The following MED7 variants were observed in gnomAD, a reference collection of about 807,000 sequenced individuals.
The protein encoded by MED7 is mediator of RNA polymerase II transcription subunit 7.
A neutral mutation model predicts 16.6 loss-of-function variants in MED7; 7 were observed. The ratio of observed to expected loss-of-function variants is 0.42; its 90% CI spans 0.24 to 0.79. The LOEUF is 0.79. MED7 is among the 30% of genes least tolerant of loss of function. MED7 has a pLI of 0.27. For missense variants in MED7, 240 were observed against 286.3 expected (o/e 0.84, Z 1.17); for synonymous variants, 88 against 90.5 (o/e 0.97, Z 0.16).
intron 1 of MED7, among the ~76,000 whole-genome samples, chr5:157,139,793 G>A (rs1326852055): frequency 6.7e-6 from 1 of 149,876 alleles, no homozygotes; most frequent in Non-Finnish European, 1.5e-5. Context: ...AAACTACACA[G>A]GCTGTCTCCC....
intron 1 of MED7, 116 bp from the exon 2 acceptor site, chr5:157,139,564 T>C (rs912091108): frequency 2.4e-5 from 13 of 553,044 alleles, no homozygotes; most frequent in Middle Eastern, 4.7e-4. Context: ...GAAGACAAGA[T>C]GATCTCCTTG....
In MED7 at chr5:157,138,539, C is replaced by A. The variant is rs919780803; in HGVS notation, c.*191G>T. On this transcript the variant is annotated 3_prime_UTR_variant, in exon 2 of 2. Coordinates refer to ENST00000286317, the MANE Select transcript of MED7 (RefSeq NM_004270.5). ...CTTTTTAAAGTGATTCTTCTTAGTGCAGGGACACTCATTTGTCTATGCTTG... is the reference window on the plus strand; with the variant it reads ...CTTTTTAAAGTGATTCTTCTTAGTGAAGGGACACTCATTTGTCTATGCTTG... The A allele has an allele frequency of 1.7e-5, 9 of 536,250 alleles. No homozygotes were observed. Among genetic ancestry groups the A allele is most frequent in the African/African-American group, 1.5e-4 (8 of 51,878 alleles). 33.2% of individuals were successfully genotyped at this position (536,250 alleles called of 1,614,324 possible).
Position 157,139,966 on chromosome 5 carries a change from C to A in MED7, c.-17-518G>T, listed in dbSNP as rs559614117. Among the ~76,000 whole-genome samples the A allele has an allele frequency of 2.1e-4, 32 of 152,208 alleles. 1 individual carries two copies. Among genetic ancestry groups the A allele is most frequent in the African/African-American group, 7.0e-4 (29 of 41,550 alleles). ...ATGAAATGATGATTCAGTTCCATAC[C>A]CTTTTTGTCACAGTATACTATGCAA... is the stretch of plus-strand genomic sequence containing the variant. On this transcript the variant is annotated intron_variant, in intron 1 of 1. Coordinates refer to ENST00000286317, the MANE Select transcript of MED7 (RefSeq NM_004270.5).
rs765868930 is a variant in MED7, at chr5:157,139,193, T to C, written c.239A>G (p.Lys80Arg). The C allele has an allele frequency of 1.9e-5, 30 of 1,612,272 alleles. No homozygotes were observed. The highest frequency in any genetic ancestry group is 3.3e-4 in the Middle Eastern group (2 of 6,066). The change falls in exon 2 of 2, where the codon AAA becomes AGA. Residue 80 changes from lysine (K) to arginine (R), a missense_variant. Physicochemically the swap from Lys to Arg is conservative, Grantham distance 26. Transcript: ENST00000286317. ...MQFDHKKELR[K>R]LNMSILINFL... Reference sequence around the variant, plus strand: ...ATTAATAAGGATAGACATATTAAGTTTTCTCAGTTCTTTCTTGTGATCAAA... The same window carrying C: ...ATTAATAAGGATAGACATATTAAGTCTTCTCAGTTCTTTCTTGTGATCAAA...
intron 1 of MED7, among the ~76,000 whole-genome samples, chr5:157,140,538 T>C (rs1216539298): frequency 1.3e-5 from 2 of 152,124 alleles, no homozygotes; most frequent in Non-Finnish European, 2.9e-5. Flanking sequence ...GAAGCAATAT[T>C]ATACTTAGAA....
intron 1 of MED7, 100 bp from the exon 2 acceptor site, chr5:157,139,548 G>A: frequency 1.5e-6 from 1 of 673,162 alleles, no homozygotes; most frequent in Non-Finnish European, 2.2e-6. Context: ...CCAGCAGTTT[G>A]GGGCCGAAGA....
chr5:157,137,853 C>CT lies in MED7; in HGVS notation c.*876_*877insA, dbSNP rs1340231974. 1 of 152,200 alleles carries CT rather than the reference C, an allele frequency of 6.6e-6. No homozygotes were observed. Among genetic ancestry groups the CT allele is most frequent in the Non-Finnish European group, 1.5e-5 (1 of 68,044 alleles). The allele number at this position is 152,200 out of a possible 1,614,324, so 9.4% of individuals were successfully genotyped here. ...ATGGGGCAAGCCTGGATTCCTATGCCCACATTTCACCGCCTACGACTTAGT... is the reference window on the plus strand; with the variant it reads ...ATGGGGCAAGCCTGGATTCCTATGCCTCACATTTCACCGCCTACGACTTAGT... On this transcript the variant is annotated 3_prime_UTR_variant, in exon 2 of 2. Coordinates refer to ENST00000286317, the MANE Select transcript of MED7 (RefSeq NM_004270.5).
chr5:157,141,648 G>A (rs1432330975), intron 1 of MED7, among the ~76,000 whole-genome samples: 1 of 152,086 alleles, frequency 6.6e-6, no homozygotes. Context: ...GAGTGCAGTG[G>A]TACCATCAGG....
intron 1 of MED7, among the ~76,000 whole-genome samples, chr5:157,141,036 C>T (rs1374497035): frequency 6.6e-6 from 1 of 152,184 alleles, no homozygotes; most frequent in African/African-American, 2.4e-5. Context: ...ACCCAAAGCA[C>T]AATTACCAAA....
chr5:157,140,021 T>C (rs907299554), intron 1 of MED7, among the ~76,000 whole-genome samples: 3 of 152,182 alleles, frequency 2.0e-5, no homozygotes, highest in Non-Finnish European at 4.4e-5. Flanking sequence ...CTTTTGTTTG[T>C]TTTTTGAGAT....
intron 1 of MED7, among the ~76,000 whole-genome samples, chr5:157,141,376 G>A (rs1241849768): frequency 6.6e-6 from 1 of 151,570 alleles, no homozygotes; most frequent in East Asian, 2.0e-4. Flanking sequence ...CACCGTGCCC[G>A]GCAGAAAATA....
In MED7 at chr5:157,139,301, A is replaced by G. The variant is rs1202026825; in HGVS notation, c.131T>C (p.Met44Thr). The change falls in exon 2 of 2, where the codon ATG (methionine) becomes ACG (threonine). Residue 44 changes from methionine to threonine, a missense_variant. By Grantham distance (81) the Met-to-Thr change is moderately conservative (BLOSUM62 -1). Coordinates refer to ENST00000286317, the MANE Select transcript of MED7 (RefSeq NM_004270.5). ...ATCACATTGGAACTGATTGCCAAAC[A>G]TCATGTAACTGTCTTTTATTGGAGG... ...PPPPIKDSYMMFGNQFQCDDL... is the reference protein window; with the variant it reads ...PPPPIKDSYMTFGNQFQCDDL... 6.2e-7 allele frequency: 1 copy of G among 1,614,198 alleles called. No homozygotes were observed. The highest frequency in any genetic ancestry group is 1.7e-5 in the Admixed American group (1 of 60,018).
rs1400561427 is a variant in MED7 at position 157,139,235 on chromosome 5, C to T, written c.197G>A (p.Arg66Gln). 2.5e-6 allele frequency: 4 copies of T among 1,613,736 alleles called. No individual in the cohort carries two copies. Among genetic ancestry groups the T allele is most frequent in the Non-Finnish European group, 3.4e-6 (4 of 1,179,954 alleles). ...IRPLESQGIE[R>Q]LHPMQFDHKK... Reference sequence around the variant, plus strand: ...GTGATCAAACTGCATAGGATGAAGCCGTTCGATGCCCTGACTTTCCAAAGG... The same window carrying T: ...GTGATCAAACTGCATAGGATGAAGCTGTTCGATGCCCTGACTTTCCAAAGG... The change falls in exon 2 of 2, where the codon CGG (arginine) becomes CAG (glutamine). Residue 66 changes from arginine to glutamine, a missense_variant. Transcript: ENST00000286317.
chr5:157,137,514 A>G lies in MED7; in HGVS notation c.*1216T>C, dbSNP rs1757653379. The G allele has an allele frequency of 6.6e-6, 1 of 152,280 alleles. No homozygotes were observed. Among genetic ancestry groups the G allele is most frequent in the Non-Finnish European group, 1.5e-5 (1 of 68,060 alleles). 9.4% of individuals were successfully genotyped at this position (152,280 alleles called of 1,614,324 possible). A position where few individuals can be genotyped will look rare whatever the true frequency, so the allele number is the denominator to read the frequency against. ...ACCAATGCTGCTGGTCCAGGACCAC[A>G]CACTTTAAGAACCACGGGCCTACAT... is the stretch of plus-strand genomic sequence containing the variant. On this transcript the variant is annotated 3_prime_UTR_variant, in exon 2 of 2. Transcript: ENST00000286317.
intron 1 of MED7, among the ~76,000 whole-genome samples, chr5:157,140,625 C>T (rs915162317): frequency 2.6e-5 from 4 of 152,114 alleles, no homozygotes; most frequent in Non-Finnish European, 5.9e-5. Context: ...GATGATGCAG[C>T]CTCGCCCTCC....
At chr5:157,142,589 G>A (rs537612623) in intron 1 of MED7, 3 of 152,372 alleles carry the variant, frequency 2.0e-5, no homozygotes, top group Admixed American at 6.5e-5. Context: ...AGGAAGCCCC[G>A]AGACTGCCAC....
Position 157,138,850 on chromosome 5 carries a change from G to A in MED7, c.582C>T (p.Ser194=). The A allele has an allele frequency of 6.2e-7, 1 of 1,614,056 alleles. No homozygotes were observed. The highest frequency in any genetic ancestry group is 2.2e-5 in the East Asian group (1 of 44,886). ...VKTEPMDADD[S]NNCTGQNEHQ... is the part of the protein sequence containing the mutation. ...GTTCATTCTGTCCAGTACAATTGTT[G>A]CTATCATCAGCATCCATTGGTTCAG... The change falls in exon 2 of 2, where the codon AGC becomes AGT. Residue 194 remains serine (S), a synonymous_variant. Coordinates refer to ENST00000286317, the MANE Select transcript of MED7 (RefSeq NM_004270.5).
At position 157,137,580 on chromosome 5, in the gene MED7, C is replaced by T. The variant is rs1251393112; in HGVS notation, c.*1150G>A. Reference sequence around the variant, plus strand: ...CAGAGATCCTCAGACACAAGGTCAACTCTCCACTAACACCTTGGTGGAAGA... The same window carrying T: ...CAGAGATCCTCAGACACAAGGTCAATTCTCCACTAACACCTTGGTGGAAGA... On this transcript the variant is annotated 3_prime_UTR_variant, in exon 2 of 2. Transcript: ENST00000286317. 2 of 152,324 alleles carry T rather than the reference C, an allele frequency of 1.3e-5. No homozygotes were observed. Among genetic ancestry groups the T allele is most frequent in the Non-Finnish European group, 2.9e-5 (2 of 68,132 alleles). 9.4% of individuals were successfully genotyped at this position (152,324 alleles called of 1,614,324 possible).
At chr5:157,141,271 G>C (rs887470775) in intron 1 of MED7, among the ~76,000 whole-genome samples, 1 of 152,020 alleles carries the variant, frequency 6.6e-6, no homozygotes, top group Non-Finnish European at 1.5e-5. Context: ...CAGTAGAGAC[G>C]AGATTTCATC....
Sources: gnomAD v4.1 joint callset for allele counts (sites outside exome capture counted in the v4.1 genomes callset) on GRCh38, gnomAD v4.1.1 for gene constraint, MANE v1.5 for transcripts, NCBI Gene and HGNC (gene_info 2026-07-23, HGNC 2026-07-21) for gene names.